The following PHF20 variants were observed in gnomAD, a reference collection of about 807,000 sequenced individuals.
PHF20 encodes glioma-expressed antigen 2.
Under a neutral mutation model 113.5 loss-of-function variants are expected in PHF20, and 23 were observed. The observed-to-expected ratio is 0.20, with a 90% CI of 0.15 to 0.29. The LOEUF (loss-of-function observed/expected upper bound fraction) is 0.29, where lower values mean the gene tolerates loss of function less well. Ranked by LOEUF, PHF20 falls within the 10% of genes least tolerant of loss-of-function variation. The pLI, the probability that PHF20 is intolerant of heterozygous loss-of-function variation, is 1.00. For missense variants in PHF20, 943 were observed against 1,219.6 expected, an observed-to-expected ratio of 0.77 and a Z score of 3.38; for synonymous variants, 434 against 457.3, an observed-to-expected ratio of 0.95 and a Z score of 0.65.
rs1428078203 is a variant in PHF20, at chr20:35,949,185, G to A, written c.*1558G>A. 6.6e-6 allele frequency: 1 copy of A among 152,522 alleles called. No homozygotes were observed. The highest frequency in any genetic ancestry group is 2.4e-5 in the African/African-American group (1 of 41,460). The allele number at this position is 152,522 out of a possible 1,614,324, so 9.4% of individuals were successfully genotyped here. The stretch of plus-strand genomic sequence containing the variant: ...GTGGCTATAACATCTATAACAAAAC[G>A]ACGATTCCTCTACAAGAGGCTGTTT... On this transcript the variant is annotated 3_prime_UTR_variant, in exon 18 of 18. Coordinates refer to ENST00000374012, the MANE Select transcript of PHF20 (RefSeq NM_016436.5).
intron 4 of PHF20, chr20:35,855,349 T>C (rs1379152566): frequency 2.6e-6 from 2 of 775,122 alleles, no homozygotes; most frequent in Non-Finnish European, 3.8e-6. Context: ...TATGCTCTTA[T>C]CCTTTTATGT....
intron 2 of PHF20, among the ~76,000 whole-genome samples, chr20:35,816,695 G>C (rs1027280692): frequency 6.6e-6 from 1 of 150,830 alleles, no homozygotes; most frequent in African/African-American, 2.4e-5. Flanking sequence ...CTTATGATTC[G>C]CCCGCCTCAG....
intron 10 of PHF20, 88 bp from the exon 11 acceptor site, chr20:35,913,161 C>A: frequency 1.1e-6 from 1 of 899,566 alleles, no homozygotes; most frequent in Non-Finnish European, 1.8e-6. Context: ...AGAGCCAGAC[C>A]CATCGGACAT....
chr20:35,908,651 C>A (rs1233921023), intron 10 of PHF20, among the ~76,000 whole-genome samples: 1 of 152,160 alleles, frequency 6.6e-6, no homozygotes. Context: ...CCCTCCTTTG[C>A]TGAGATCCTT....
intron 2 of PHF20, among the ~76,000 whole-genome samples, chr20:35,810,003 C>G (rs1027503343): frequency 2.0e-5 from 3 of 152,114 alleles, no homozygotes; most frequent in South Asian, 4.1e-4. Flanking sequence ...GATCTCAGCT[C>G]ACTGCAACCT....
chr20:35,929,414 A>G (rs1263834962), intron 14 of PHF20, among the ~76,000 whole-genome samples: 2 of 152,254 alleles, frequency 1.3e-5, no homozygotes, highest in Admixed American at 6.5e-5. Flanking sequence ...AAGATTTGAC[A>G]GGTGAACAAA....
intron 1 of PHF20, among the ~76,000 whole-genome samples, chr20:35,800,391 C>T (rs1369091808): frequency 6.7e-6 from 1 of 148,274 alleles, no homozygotes; most frequent in Non-Finnish European, 1.5e-5. Flanking sequence ...TGCCATTGCA[C>T]TCCAGCCTGG....
chr20:35,930,352 C>G (rs376390362), intron 14 of PHF20, among the ~76,000 whole-genome samples: 4 of 152,240 alleles, frequency 2.6e-5, no homozygotes, highest in African/African-American at 7.2e-5. Context: ...GAAGTTAAAA[C>G]AAGTTAAGTA....
At chr20:35,842,823 T>A in intron 3 of PHF20, 79 bp downstream of exon 3, 13 of 1,268,200 alleles carry the variant, frequency 1.0e-5, no homozygotes, top group Non-Finnish European at 1.2e-5. Flanking sequence ...TTGATGTTAG[T>A]AGCAGCTGGA....
intron 1 of PHF20, among the ~76,000 whole-genome samples, chr20:35,791,443 ATCTATCTATC>A (rs1189075159): frequency 7.0e-5 from 1 of 14,256 alleles, no homozygotes; most frequent in African/African-American, 1.5e-4. Context: ...CCAGAATAGT[ATCTATCTATC>A]TATCTATCTA....
intron 1 of PHF20, among the ~76,000 whole-genome samples, chr20:35,773,162 A>G (rs1204224498): frequency 6.6e-6 from 1 of 152,034 alleles, no homozygotes; most frequent in Non-Finnish European, 1.5e-5. Flanking sequence ...TACGAGGTGA[A>G]CCCCTTTTAG....
Position 35,940,896 on chromosome 20 carries a change from A to C in PHF20, c.2745A>C (p.Pro915=). 1 of 1,613,926 alleles carries C rather than the reference A, an allele frequency of 6.2e-7. No individual in the cohort carries two copies. Among genetic ancestry groups the C allele is most frequent in the Non-Finnish European group, 8.5e-7 (1 of 1,179,918 alleles). The change falls in exon 17 of 18, where the codon CCA becomes CCC. Residue 915 remains proline (P), a synonymous_variant. Transcript: ENST00000374012. ...AATATGTCTCCAAAAAGGCCCTACC[A>C]GAAGAAGCCCCTGCTCGGAAGCTGC... ...VKEYVSKKAL[P]EEAPARKLLD... is the part of the protein sequence containing the mutation.
chr20:35,910,952 A>T (rs1197308962), intron 10 of PHF20, among the ~76,000 whole-genome samples: 2 of 151,960 alleles, frequency 1.3e-5, no homozygotes, highest in Admixed American at 6.6e-5. Flanking sequence ...CTATTGTAGA[A>T]ATGGAATCCT....
intron 10 of PHF20, among the ~76,000 whole-genome samples, chr20:35,910,450 A>G (rs1435910513): frequency 6.6e-6 from 1 of 152,144 alleles, no homozygotes; most frequent in African/African-American, 2.4e-5. Context: ...AAATGGTATA[A>G]TTGGTGAGAT....
At chr20:35,819,076 A>G (rs545756129) in intron 2 of PHF20, among the ~76,000 whole-genome samples, 103 of 152,064 alleles carry the variant, frequency 6.8e-4, no homozygotes, top group African/African-American at 2.4e-3. Flanking sequence ...GATTACAGGC[A>G]TGCACCACCA....
At chr20:35,916,964 A>C (rs559282165) in intron 12 of PHF20, among the ~76,000 whole-genome samples, 22 of 151,964 alleles carry the variant, frequency 1.4e-4, no homozygotes, top group African/African-American at 5.3e-4. Flanking sequence ...GGGTTTTGCC[A>C]TGTTGCCCAG....
At chr20:35,914,293 C>A in intron 12 of PHF20, 96 bp downstream of exon 12, 4 of 1,189,316 alleles carry the variant, frequency 3.4e-6, no homozygotes, top group African/African-American at 1.5e-5. Context: ...TAGGCCACTA[C>A]AATAAAACAA....
At chr20:35,922,313 A>G (rs913981595) in intron 13 of PHF20, among the ~76,000 whole-genome samples, 1 of 152,362 alleles carries the variant, frequency 6.6e-6, no homozygotes, top group East Asian at 1.9e-4. Context: ...ATCAAAAGGC[A>G]TAAGTTTAGA....
intron 9 of PHF20, among the ~76,000 whole-genome samples, chr20:35,886,945 G>C (rs1412263970): frequency 1.3e-5 from 2 of 152,198 alleles, no homozygotes; most frequent in Admixed American, 1.3e-4. Context: ...GCGTTTGGAA[G>C]CAAGATGCCA....
Sources: gnomAD v4.1 joint callset for allele counts (sites outside exome capture counted in the v4.1 genomes callset) on GRCh38, gnomAD v4.1.1 for gene constraint, MANE v1.5 for transcripts, NCBI Gene and HGNC (gene_info 2026-07-23, HGNC 2026-07-21) for gene names.